The following PDE1A variants were observed in gnomAD, a reference collection of about 807,000 sequenced individuals.
PDE1A encodes the protein phosphodiesterase 1A.
In PDE1A, 35 loss-of-function variants were observed where a neutral mutation model predicts 61.7. The observed-to-expected ratio is 0.57, with a 90% CI of 0.43 to 0.75. The LOEUF (loss-of-function observed/expected upper bound fraction) is 0.75. Among genes scored for constraint, PDE1A ranks in the 30% least tolerant of loss-of-function variants. The probability of loss-of-function intolerance (pLI) is 0.00; values close to 1 mark genes in which losing one functional copy is unlikely to be tolerated. For missense variants in PDE1A, 597 were observed against 630.6 expected (o/e 0.95, Z 0.57); for synonymous variants, 232 against 213.2 (o/e 1.09, Z -0.77).
chr2:182,649,429 T>C, the PDE1A span, among the ~76,000 whole-genome samples: 24 of 152,082 alleles, frequency 1.6e-4, no homozygotes, highest in Middle Eastern at 3.4e-3. Flanking sequence ...AAGAGGTTTT[T>C]TCAGGGGGCA....
the PDE1A span, among the ~76,000 whole-genome samples, chr2:182,658,073 C>A: frequency 0.095 from 11,051 of 116,596 alleles, 962 homozygotes; most frequent in African/African-American, 0.27. Context: ...AAAAAAAAAA[C>A]AAAAAAACTT....
intron 1 of PDE1A, among the ~76,000 whole-genome samples, chr2:182,297,263 T>C (rs1205590834): frequency 7.2e-6 from 1 of 138,232 alleles, no homozygotes; most frequent in African/African-American, 2.8e-5. Flanking sequence ...TGTCTTTTCT[T>C]GGTTTTGATC....
chr2:182,675,069 T>C, the PDE1A span, among the ~76,000 whole-genome samples: 3 of 152,262 alleles, frequency 2.0e-5, no homozygotes, highest in Admixed American at 2.0e-4. Flanking sequence ...CCAAGCCTAG[T>C]ACCCAATAGT....
At chr2:182,661,420 G>A in the PDE1A span, among the ~76,000 whole-genome samples, 2 of 152,112 alleles carry the variant, frequency 1.3e-5, no homozygotes, top group Non-Finnish European at 2.9e-5. Flanking sequence ...TACCAGGTTA[G>A]GTGCTAGAAT....
At chr2:182,217,650 C>A in intron 7 of PDE1A, among the ~76,000 whole-genome samples, 1 of 138,138 alleles carries the variant, frequency 7.2e-6, no homozygotes, top group African/African-American at 2.8e-5. Context: ...TTTATGCAGC[C>A]AAAAAACACA....
At chr2:182,209,766 C>T (rs571248507) in intron 7 of PDE1A, among the ~76,000 whole-genome samples, 19 of 152,192 alleles carry the variant, frequency 1.2e-4, no homozygotes, top group Admixed American at 2.6e-4. Flanking sequence ...CCTTCTGCCA[C>T]GACTGTAAGT....
chr2:182,579,666 A>G, the PDE1A span, among the ~76,000 whole-genome samples: 1 of 152,110 alleles, frequency 6.6e-6, no homozygotes, highest in South Asian at 2.1e-4. Context: ...AGTTTGAAAG[A>G]CGGGGATAAC....
chr2:182,602,992 CACATACATACATACATACATACATACAT>C, the PDE1A span, among the ~76,000 whole-genome samples: 2 of 130,390 alleles, frequency 1.5e-5, no homozygotes, highest in Non-Finnish European at 3.4e-5. Flanking sequence ...CACACACACA[CACATACATACATACATACATACATACAT>C]ACATACATAC....
chr2:182,399,549 C>G (rs1054065397), intron 1 of PDE1A, among the ~76,000 whole-genome samples: 1 of 152,020 alleles, frequency 6.6e-6, no homozygotes, highest in Non-Finnish European at 1.5e-5. Flanking sequence ...CCAATATCAT[C>G]CCTCTAAGCT....
the PDE1A span, among the ~76,000 whole-genome samples, chr2:182,556,717 T>C: frequency 6.6e-6 from 1 of 152,218 alleles, no homozygotes; most frequent in Non-Finnish European, 1.5e-5. Context: ...TATTGTCTAA[T>C]GTGCTTCAGA....
intron 11 of PDE1A, among the ~76,000 whole-genome samples, chr2:182,187,980 A>T (rs1376666138): frequency 6.6e-6 from 1 of 150,500 alleles, no homozygotes; most frequent in Non-Finnish European, 1.5e-5. Context: ...TCCTGACCCG[A>T]GATCTACCTG....
chr2:182,159,275 C>T (rs980424741), intron 13 of PDE1A, among the ~76,000 whole-genome samples: 12 of 152,242 alleles, frequency 7.9e-5, no homozygotes, highest in Admixed American at 5.9e-4. Flanking sequence ...GAATCCTTAA[C>T]AGAAAGTATT....
intron 2 of PDE1A, among the ~76,000 whole-genome samples, chr2:182,443,719 T>G (rs1396141867): frequency 6.7e-6 from 1 of 148,790 alleles, no homozygotes; most frequent in Admixed American, 6.7e-5. Context: ...TTTTTTTTTT[T>G]GGAGATAGAA....
At chr2:182,623,823 A>C in the PDE1A span, among the ~76,000 whole-genome samples, 1 of 152,052 alleles carries the variant, frequency 6.6e-6, no homozygotes, top group African/African-American at 2.4e-5. Flanking sequence ...ACATTATACA[A>C]ACCCTTTAGA....
chr2:182,316,070 A>G (rs965457638), intron 1 of PDE1A, among the ~76,000 whole-genome samples: 1 of 152,184 alleles, frequency 6.6e-6, no homozygotes, highest in Non-Finnish European at 1.5e-5. Context: ...CAGTAATTGA[A>G]TAAGTCTCTA....
chr2:182,197,513 C>T (rs1347986766), intron 10 of PDE1A, among the ~76,000 whole-genome samples: 1 of 150,772 alleles, frequency 6.6e-6, no homozygotes, highest in Non-Finnish European at 1.5e-5. Flanking sequence ...GCGTTTTCCT[C>T]TAAGATCTTT....
At chr2:182,253,677 G>A (rs1691570225) in intron 2 of PDE1A, among the ~76,000 whole-genome samples, 1 of 152,136 alleles carries the variant, frequency 6.6e-6, no homozygotes, top group Non-Finnish European at 1.5e-5. Context: ...GCCTGGGGCT[G>A]ATGTTGGTGT....
intron 1 of PDE1A, among the ~76,000 whole-genome samples, chr2:182,327,014 C>T (rs56377252): frequency 6.6e-6 from 1 of 152,168 alleles, no homozygotes; most frequent in African/African-American, 2.4e-5. Flanking sequence ...ACCTGTGATG[C>T]TAAATTGGTT....
chr2:182,210,258 T>C (rs1238227743), intron 7 of PDE1A, among the ~76,000 whole-genome samples: 2 of 152,254 alleles, frequency 1.3e-5, no homozygotes, highest in Non-Finnish European at 2.9e-5. Context: ...TCATGCCTAC[T>C]AGCAATAAAT....
Sources: gnomAD v4.1 joint callset for allele counts (sites outside exome capture counted in the v4.1 genomes callset) on GRCh38, gnomAD v4.1.1 for gene constraint, MANE v1.5 for transcripts, NCBI Gene and HGNC (gene_info 2026-07-23, HGNC 2026-07-21) for gene names.